Variants in SLIT3 observed in about 807,000 individuals in gnomAD.
SLIT3 encodes slit guidance ligand 3.
A neutral mutation model predicts 184.0 loss-of-function variants in SLIT3; 68 were observed. The observed-to-expected ratio is 0.37, with a 90% CI of 0.30 to 0.45. The LOEUF is 0.45. SLIT3 is among the 20% of genes least tolerant of loss of function. The pLI, the probability that SLIT3 is intolerant of heterozygous loss-of-function variation, is 1.00. For synonymous variants in SLIT3, 831 were observed against 828.6 expected (o/e 1.00, Z -0.05); for missense variants, 1,707 against 2,026.0 (o/e 0.84, Z 3.02).
intron 14 of SLIT3, chr5:168,768,345 C>T: frequency 2.2e-6 from 1 of 461,314 alleles, no homozygotes. Flanking sequence ...CAGGCCCCCA[C>T]TGAGCGTGAT....
chr5:168,862,534 T>C (rs1759148063), intron 5 of SLIT3, among the ~76,000 whole-genome samples: 1 of 152,260 alleles, frequency 6.6e-6, no homozygotes, highest in Non-Finnish European at 1.5e-5. Context: ...TGTTACTACA[T>C]GATGGTGACC....
At chr5:169,118,653 A>C (rs1760777255) in intron 4 of SLIT3, among the ~76,000 whole-genome samples, 1 of 152,244 alleles carries the variant, frequency 6.6e-6, no homozygotes, top group East Asian at 1.9e-4. Flanking sequence ...TGGAGGATTT[A>C]GGACCTTGGC....
intron 20 of SLIT3, among the ~76,000 whole-genome samples, chr5:168,741,328 G>A (rs1436243165): frequency 3.3e-5 from 5 of 152,006 alleles, no homozygotes; most frequent in Admixed American, 1.3e-4. Context: ...AAAATTAGCT[G>A]GGCATGGTGG....
At chr5:168,695,224 G>A (rs895138308) in intron 28 of SLIT3, among the ~76,000 whole-genome samples, 5 of 152,172 alleles carry the variant, frequency 3.3e-5, no homozygotes, top group African/African-American at 1.2e-4. Flanking sequence ...TCCAGGACAT[G>A]GGAGTCCCTG....
chr5:169,011,205 C>T (rs776427357), intron 4 of SLIT3, among the ~76,000 whole-genome samples: 9 of 152,154 alleles, frequency 5.9e-5, no homozygotes, highest in African/African-American at 1.2e-4. Flanking sequence ...GAAATGACAT[C>T]ACCGAGTTCT....
At chr5:168,801,746 A>G (rs1473930388) in intron 9 of SLIT3, among the ~76,000 whole-genome samples, 1 of 152,236 alleles carries the variant, frequency 6.6e-6, no homozygotes, top group Non-Finnish European at 1.5e-5. Context: ...GACAGGGTGC[A>G]GTGAGAACGG....
chr5:169,227,816 G>A (rs1458358651), intron 3 of SLIT3, among the ~76,000 whole-genome samples: 1 of 152,208 alleles, frequency 6.6e-6, no homozygotes, highest in Non-Finnish European at 1.5e-5. Flanking sequence ...AGGAGATGAA[G>A]GCACTTGCCT....
chr5:169,229,362 T>C (rs917973045), intron 3 of SLIT3, among the ~76,000 whole-genome samples: 3 of 152,224 alleles, frequency 2.0e-5, no homozygotes, highest in Admixed American at 6.5e-5. Context: ...CTAAGGATAG[T>C]AATATAGAAA....
rs373319922 is a variant in SLIT3 at position 169,219,850 on chromosome 5, T to C, written c.341+24855A>G. On this transcript the variant is annotated intron_variant, in intron 3 of 35. Coordinates refer to ENST00000519560, the MANE Select transcript of SLIT3 (RefSeq NM_003062.4). Reference sequence around the variant, plus strand: ...AACATGATCATAGCTGAGTGTTCCTTGAGTGGCTTTTCCTTCATTGCTCTC... The same window carrying C: ...AACATGATCATAGCTGAGTGTTCCTCGAGTGGCTTTTCCTTCATTGCTCTC... Among the ~76,000 whole-genome samples the C allele has an allele frequency of 9.2e-5, 14 of 152,314 alleles. No individual in the cohort carries two copies. The South Asian group carries it at 2.7e-3, about 29-fold the overall frequency.
At chr5:168,708,675 G>A (rs779827750) in intron 25 of SLIT3, 15 of 156,564 alleles carry the variant, frequency 9.6e-5, no homozygotes, top group Non-Finnish European at 1.4e-4. Flanking sequence ...GACCGTTTCA[G>A]CCGTGTGCTT....
chr5:168,868,360 G>A (rs752912856), intron 5 of SLIT3, among the ~76,000 whole-genome samples: 16 of 152,068 alleles, frequency 1.1e-4, no homozygotes, highest in African/African-American at 2.4e-4. Context: ...GTGCCATCAC[G>A]GCTCACTGCA....
At chr5:169,221,783 G>A (rs965797899) in intron 3 of SLIT3, among the ~76,000 whole-genome samples, 1 of 152,218 alleles carries the variant, frequency 6.6e-6, no homozygotes, top group Non-Finnish European at 1.5e-5. Context: ...CCAATGCACA[G>A]AGTGGGATGT....
At chr5:169,242,849 C>T (rs1433798153) in intron 3 of SLIT3, among the ~76,000 whole-genome samples, 3 of 152,100 alleles carry the variant, frequency 2.0e-5, no homozygotes, top group Admixed American at 6.6e-5. Context: ...GTTCACCAAG[C>T]CAAAGAAAAG....
chr5:169,101,040 C>T (rs1179790546), intron 4 of SLIT3, among the ~76,000 whole-genome samples: 2 of 152,160 alleles, frequency 1.3e-5, no homozygotes, highest in Non-Finnish European at 2.9e-5. Flanking sequence ...GTTCTAGTTG[C>T]TTTGACAAAG....
chr5:168,818,796 G>GGCC (rs1383773500), intron 7 of SLIT3, among the ~76,000 whole-genome samples: 1 of 152,210 alleles, frequency 6.6e-6, no homozygotes, highest in Admixed American at 6.5e-5. Flanking sequence ...GCTACCTCCT[G>GGCC]CTGGATGCCA....
chr5:169,084,572 T>C (rs996165020), intron 4 of SLIT3, among the ~76,000 whole-genome samples: 1 of 151,676 alleles, frequency 6.6e-6, no homozygotes, highest in African/African-American at 2.4e-5. Flanking sequence ...CCTCCCAAAG[T>C]GCTGGGATTA....
In SLIT3 at chr5:168,824,897, A is replaced by G. The variant is rs1223133568; in HGVS notation, c.558-1566T>C. On this transcript the variant is annotated intron_variant, in intron 6 of 35. Coordinates refer to ENST00000519560, the MANE Select transcript of SLIT3 (RefSeq NM_003062.4). Reference sequence around the variant, plus strand: ...GTCTTTTGCCCTTGGCTTTTCGTAAACACATTATCTTCCGCTTCAAATGCC... The same window carrying G: ...GTCTTTTGCCCTTGGCTTTTCGTAAGCACATTATCTTCCGCTTCAAATGCC... Among the ~76,000 whole-genome samples, 3 of 152,134 alleles carry G rather than the reference A, an allele frequency of 2.0e-5. No individual in the cohort carries two copies. The East Asian group carries it at 5.8e-4, about 29-fold the overall frequency.
chr5:168,784,173 G>A (rs1041152956), intron 12 of SLIT3, among the ~76,000 whole-genome samples: 1 of 152,134 alleles, frequency 6.6e-6, no homozygotes, highest in Admixed American at 6.5e-5. Flanking sequence ...TCCACCTCAA[G>A]GTGGATACTA....
chr5:169,138,953 T>G lies in SLIT3; in HGVS notation c.413+54526A>C, dbSNP rs780238060. Among the ~76,000 whole-genome samples, 30 of 152,250 alleles carry G rather than the reference T, an allele frequency of 2.0e-4. 1 individual carries two copies. Among genetic ancestry groups the G allele is most frequent in the South Asian group, 4.1e-4 (2 of 4,836 alleles). The stretch of plus-strand genomic sequence containing the variant: ...ATGACTGATGGCAGTGGACAACTGA[T>G]GTCCACATCCAGCCCCACTGCTCCA... On this transcript the variant is annotated intron_variant, in intron 4 of 35. Coordinates refer to ENST00000519560, the MANE Select transcript of SLIT3 (RefSeq NM_003062.4).
Sources: allele counts gnomAD v4.1 joint callset (sites outside exome capture counted in the v4.1 genomes callset), GRCh38; gene constraint gnomAD v4.1.1; transcripts MANE v1.5; gene names NCBI Gene and HGNC (gene_info 2026-07-23, HGNC 2026-07-21).